KMT2B: variants seen among roughly 807,000 people sequenced by gnomAD.
KMT2B encodes lysine methyltransferase 2B.
KMT2B carries 22 observed loss-of-function variants against 255.3 expected under a neutral mutation model. The observed-to-expected ratio is 0.09, with a 90% confidence interval of 0.06 to 0.12. KMT2B has a LOEUF of 0.12. KMT2B is among the 10% of genes least tolerant of loss of function. KMT2B has a pLI of 1.00. For synonymous variants in KMT2B, 1,730 were observed against 1,498.1 expected, an observed-to-expected ratio of 1.15 and a Z score of -3.57; for missense variants, 3,149 against 3,737.0, an observed-to-expected ratio of 0.84 and a Z score of 4.10.
Position 35,722,406 on chromosome 19 carries a change from G to T in KMT2B, c.2505G>T (p.Gln835His). The T allele has an allele frequency of 6.2e-7, 1 of 1,611,124 alleles. No individual in the cohort carries two copies. The highest frequency in any genetic ancestry group is 8.5e-7 in the Non-Finnish European group (1 of 1,179,828). ...QMEEVAGAVK[Q>H]ISDRGPVRSE... ...AGGAGGTGGCCGGGGCTGTCAAGCA[G>T]ATCTCCGACAGAGGCCCTGTCCGGT... Residue 835 changes from glutamine to histidine, a missense_variant, in exon 4 of 37, where the codon CAG (glutamine) becomes CAT (histidine). By Grantham distance (24) the Gln-to-His change is conservative. This residue lies in a region of KMT2B where 1,188 missense variants were observed against 1,106.4 expected (regional missense o/e 1.07). Transcript: ENST00000420124.
chr19:35,721,227 CTCCCCCGG>C lies in KMT2B; in HGVS notation c.1881_1888del (p.Pro629LeufsTer44). 6.8e-7 allele frequency: 1 copy of C among 1,470,852 alleles called. No homozygotes were observed. Among genetic ancestry groups the C allele is most frequent in the Non-Finnish European group, 9.2e-7 (1 of 1,090,432 alleles). The allele number at this position is 1,470,852 out of a possible 1,614,324, so 91.1% of individuals were successfully genotyped here. A position where few individuals can be genotyped will look rare whatever the true frequency, so the allele number is the denominator to read the frequency against. The stretch of plus-strand genomic sequence containing the variant: ...CCCCCTCCTCCCCCAGCCCCTCCAC[CTCCCCCGG>C]CCCCCTCCCCACCCCCTGCTCCTGC... On this transcript the variant is annotated frameshift_variant, in exon 3 of 37. Transcript: ENST00000420124. LOFTEE classifies it high-confidence loss of function.
chr19:35,726,869 A>G (rs1218004849), intron 14 of KMT2B, among the ~76,000 whole-genome samples: 1 of 151,620 alleles, frequency 6.6e-6, no homozygotes, highest in Non-Finnish European at 1.5e-5. Context: ...CTGTAATCTC[A>G]GCTACTCGGG....
Position 35,738,011 on chromosome 19 carries a change from C to T in KMT2B, c.7743-51C>T. 1.2e-6 allele frequency: 2 copies of T among 1,613,004 alleles called. No homozygotes were observed. Among genetic ancestry groups the T allele is most frequent in the South Asian group, 1.1e-5 (1 of 90,906 alleles). ...AGGTGCACTGGGTAGGGGGTACTGT[C>T]TGGTTTCTGTCCCCCTCCCCCCTGA... On this transcript the variant is annotated intron_variant, in intron 35 of 36. Transcript: ENST00000420124. This position sits in a 1 kb window ranked among gnomAD's most constrained non-coding sequence, Gnocchi z 8.7.
rs1204779086 is a variant in KMT2B at position 35,737,000 on chromosome 19, C to T, written c.7372+14C>T. ...TCTCCTTTAGTGGTAAGGAGTGGGCCCCACAGGGGGCAGGGAGCTGGATGT... is the reference window on the plus strand; with the variant it reads ...TCTCCTTTAGTGGTAAGGAGTGGGCTCCACAGGGGGCAGGGAGCTGGATGT... On this transcript the variant is annotated intron_variant, in intron 32 of 36. Transcript: ENST00000420124. 1.2e-6 allele frequency: 2 copies of T among 1,612,514 alleles called. No individual in the cohort carries two copies. The highest frequency in any genetic ancestry group is 1.7e-6 in the Non-Finnish European group (2 of 1,179,268).
chr19:35,736,727 AGATGAT>A lies in KMT2B; in HGVS notation c.7198_7203del (p.Asp2400_Asp2401del). On this transcript the variant is annotated inframe_deletion, in exon 31 of 37. Transcript: ENST00000420124. ...GCTCTGAGGAAGAGCCTCCATCCCC[AGATGAT>A]AAAGAGAACCAGGCCCCAAAACGGA... 1 of 1,613,986 alleles carries A rather than the reference AGATGAT, an allele frequency of 6.2e-7. No homozygotes were observed. The highest frequency in any genetic ancestry group is 8.5e-7 in the Non-Finnish European group (1 of 1,179,878).
rs1334846621 is a variant in KMT2B at position 35,725,268 on chromosome 19, C to T, written c.3577C>T (p.Leu1193Phe). The change falls in exon 11 of 37, where the codon CTC (leucine) becomes TTC (phenylalanine). Residue 1193 changes from leucine (L) to phenylalanine (F), a missense_variant. By Grantham distance (22) the Leu-to-Phe change is conservative. Coordinates refer to ENST00000420124, the MANE Select transcript of KMT2B (RefSeq NM_014727.3). The surrounding 1 kb of genome is among the most constrained non-coding windows in gnomAD (Gnocchi z 4.1). ...GTGGCTGATGGGGGGCCTGAGTGTG[C>T]TCACCTCTGTGCCAGGGGGCCCCCC... ...NVWLMGGLSV[L>F]TSVPGGPPMV... 2 of 1,602,530 alleles carry T rather than the reference C, an allele frequency of 1.2e-6. No individual in the cohort carries two copies. Among genetic ancestry groups the T allele is most frequent in the Non-Finnish European group, 8.5e-7 (1 of 1,174,366 alleles).
Position 35,731,915 on chromosome 19 carries a change from A to T in KMT2B, c.5445A>T (p.Pro1815=). Residue 1815 remains proline (P), a synonymous_variant, in exon 27 of 37, where the codon CCA becomes CCT. Transcript: ENST00000420124. ...CATTTCTCGCCTCTTCAGAGCCCCCAGGTGGTGAGGACCCCCCACTGGACA... is the reference window on the plus strand; with the variant it reads ...CATTTCTCGCCTCTTCAGAGCCCCCTGGTGGTGAGGACCCCCCACTGGACA... ...VHSPAPSSEP[P]GGEDPPLDTD... The T allele has an allele frequency of 6.2e-7, 1 of 1,612,912 alleles. No homozygotes were observed. The highest frequency in any genetic ancestry group is 8.5e-7 in the Non-Finnish European group (1 of 1,179,104).
chr19:35,735,213 T>G (rs1393137450), intron 30 of KMT2B: 2 of 151,740 alleles, frequency 1.3e-5, no homozygotes, highest in Non-Finnish European at 1.5e-5. Context: ...TGCTTTAGAG[T>G]CTCCCTTGGG....
chr19:35,721,242 C>A lies in KMT2B; in HGVS notation c.1895C>A (p.Ser632Tyr). The A allele has an allele frequency of 4.0e-6, 6 of 1,507,228 alleles. No individual in the cohort carries two copies. Among genetic ancestry groups the A allele is most frequent in the Non-Finnish European group, 5.4e-6 (6 of 1,120,332 alleles). The allele number at this position is 1,507,228 out of a possible 1,614,324, so 93.4% of individuals were successfully genotyped here. A position where few individuals can be genotyped will look rare whatever the true frequency, so the allele number is the denominator to read the frequency against. Residue 632 changes from serine to tyrosine, a missense_variant, in exon 3 of 37, where the codon TCC (serine) becomes TAC (tyrosine). Ser to Tyr is a moderately radical substitution (Grantham distance 144). Coordinates refer to ENST00000420124, the MANE Select transcript of KMT2B (RefSeq NM_014727.3). ...PPAPPPPPAP[S>Y]PPPAPATSSR... ...GCCCCTCCACCTCCCCCGGCCCCCTCCCCACCCCCTGCTCCTGCCACCTCC... is the reference window on the plus strand; with the variant it reads ...GCCCCTCCACCTCCCCCGGCCCCCTACCCACCCCCTGCTCCTGCCACCTCC...
intron 3 of KMT2B, 52 bp downstream of exon 3, chr19:35,721,856 C>G: frequency 1.3e-6 from 2 of 1,491,394 alleles, no homozygotes; most frequent in Admixed American, 4.6e-5. Flanking sequence ...AGCCTCCATT[C>G]TTTGCAACCC....
intron 14 of KMT2B, among the ~76,000 whole-genome samples, chr19:35,726,733 T>C (rs1969466032): frequency 6.6e-6 from 1 of 152,098 alleles, no homozygotes; most frequent in African/African-American, 2.4e-5. Context: ...CCTGTAATCC[T>C]AACACTTTGG....
At chr19:35,731,682 G>C (rs1014785696) in intron 26 of KMT2B, among the ~76,000 whole-genome samples, 15 of 152,164 alleles carry the variant, frequency 9.9e-5, no homozygotes, top group African/African-American at 3.6e-4. Context: ...GAGAGGAGAT[G>C]GCAAGGAGCG....
In KMT2B at chr19:35,720,623, C is replaced by T. The variant is rs1163586367; in HGVS notation, c.1276C>T (p.Pro426Ser). Residue 426 changes from proline to serine, a missense_variant, in exon 3 of 37, where the codon CCC becomes TCC. This residue lies in a region of KMT2B where 1,188 missense variants were observed against 1,106.4 expected (regional missense o/e 1.07). Coordinates refer to ENST00000420124, the MANE Select transcript of KMT2B (RefSeq NM_014727.3). ...CCCACCCCCTTCGACATCTCCTCCA[C>T]CCCCACTCTGCCCTCCACCACCACC... Reference protein sequence around the residue: ...PLPPPSTSPPPPLCPPPPPPV... With the variant: ...PLPPPSTSPPSPLCPPPPPPV... 18 of 1,470,230 alleles carry T rather than the reference C, an allele frequency of 1.2e-5. No individual in the cohort carries two copies. In the South Asian group the frequency reaches 2.1e-4, roughly 17 times the overall value. The allele number at this position is 1,470,230 out of a possible 1,614,324, so 91.1% of individuals were successfully genotyped here. A position where few individuals can be genotyped will look rare whatever the true frequency, so the allele number is the denominator to read the frequency against.
chr19:35,727,209 A>G lies in KMT2B; in HGVS notation c.4057A>G (p.Lys1353Glu). ...RCYEDNDYES[K>E]MMQCAQCDHW... ...CTATGAAGACAACGACTATGAGAGCAAGATGATGCAGTGCGCACAGTGCGA... is the reference window on the plus strand; with the variant it reads ...CTATGAAGACAACGACTATGAGAGCGAGATGATGCAGTGCGCACAGTGCGA... Residue 1353 changes from lysine to glutamate, a missense_variant, in exon 15 of 37, where the codon AAG becomes GAG. Lys to Glu is a moderately conservative substitution (Grantham distance 56). This residue lies in a region of KMT2B where 377 missense variants were observed against 471.0 expected (regional missense o/e 0.80). Coordinates refer to ENST00000420124, the MANE Select transcript of KMT2B (RefSeq NM_014727.3). This position sits in a 1 kb window ranked among gnomAD's most constrained non-coding sequence, Gnocchi z 4.2. 1 of 1,613,710 alleles carries G rather than the reference A, an allele frequency of 6.2e-7. No individual in the cohort carries two copies. Among genetic ancestry groups the G allele is most frequent in the Non-Finnish European group, 8.5e-7 (1 of 1,179,816 alleles).
intron 22 of KMT2B, among the ~76,000 whole-genome samples, chr19:35,729,526 T>C (rs1969607185): frequency 6.6e-6 from 1 of 152,146 alleles, no homozygotes; most frequent in South Asian, 2.1e-4. Flanking sequence ...AGAGTGCCCA[T>C]TGATTGAACC....
chr19:35,721,808 AGTGT>A lies in KMT2B; in HGVS notation c.2457+6_2457+9del. 6.4e-7 allele frequency: 1 copy of A among 1,574,382 alleles called. No homozygotes were observed. The highest frequency in any genetic ancestry group is 8.6e-7 in the Non-Finnish European group (1 of 1,159,174). Reference sequence around the variant, plus strand: ...GAAGGTGGCAGCTTCCATGCCGGTGAGTGTGGTCCCTGGGCCCAGCGGCACACCC... The same window carrying A: ...GAAGGTGGCAGCTTCCATGCCGGTGAGGTCCCTGGGCCCAGCGGCACACCC... On this transcript the variant is annotated splice_donor_5th_base_variant and intron_variant, in intron 3 of 36. Coordinates refer to ENST00000420124, the MANE Select transcript of KMT2B (RefSeq NM_014727.3).
intron 14 of KMT2B, among the ~76,000 whole-genome samples, chr19:35,726,955 G>T (rs994459935): frequency 4.2e-5 from 6 of 141,344 alleles, no homozygotes; most frequent in Non-Finnish European, 7.5e-5. Flanking sequence ...CTGCACTCTA[G>T]CCTGGGTGAC....
chr19:35,733,454 A>G lies in KMT2B; in HGVS notation c.6905A>G (p.Glu2302Gly). The G allele has an allele frequency of 6.4e-7, 1 of 1,561,048 alleles. No individual in the cohort carries two copies. Among genetic ancestry groups the G allele is most frequent in the Non-Finnish European group, 8.7e-7 (1 of 1,152,932 alleles). ...CCATACAAAGCCCCCCGGCTGGATG[A>G]AGATGGAGAGGCCTCAGAGGATACC... ...PPPYKAPRLD[E>G]DGEASEDTPQ... Residue 2302 changes from glutamate to glycine, a missense_variant, in exon 28 of 37, where the codon GAA (glutamate) becomes GGA (glycine). Physicochemically the swap from Glu to Gly is moderately conservative, Grantham distance 98. Around this residue, in one of 18 missense-constraint regions of KMT2B, gnomAD observed 897 missense variants for 825.3 expected, o/e 1.09. Coordinates refer to ENST00000420124, the MANE Select transcript of KMT2B (RefSeq NM_014727.3). This position sits in a 1 kb window ranked among gnomAD's most constrained non-coding sequence, Gnocchi z 4.3.
rs1250203458 is a variant in KMT2B at position 35,719,942 on chromosome 19, C to T, written c.595C>T (p.Arg199Trp). The T allele has an allele frequency of 1.2e-6, 2 of 1,613,430 alleles. No individual in the cohort carries two copies. Among genetic ancestry groups the T allele is most frequent in the Non-Finnish European group, 1.7e-6 (2 of 1,179,858 alleles). Residue 199 changes from arginine to tryptophan, a missense_variant, in exon 3 of 37, where the codon CGG (arginine) becomes TGG (tryptophan). Physicochemically the swap from Arg to Trp is moderately radical, Grantham distance 101. Around this residue, in one of 18 missense-constraint regions of KMT2B, gnomAD observed 1,188 missense variants for 1,106.4 expected, o/e 1.07. Transcript: ENST00000420124. Reference sequence around the variant, plus strand: ...GCAGGCACTGACTGAACTTCTCCGGCGGGCCCAGGCACCCCAAGCACCCCG... The same window carrying T: ...GCAGGCACTGACTGAACTTCTCCGGTGGGCCCAGGCACCCCAAGCACCCCG... ...MVQALTELLR[R>W]AQAPQAPRSR...
Sources: gnomAD v4.1 joint callset for allele counts (sites outside exome capture counted in the v4.1 genomes callset) on GRCh38, gnomAD v4.1.1 for gene constraint, gnomAD v4.1.1 regional missense constraint, Gnocchi (gnomAD v3.1) non-coding constraint, MANE v1.5 for transcripts, NCBI Gene and HGNC (gene_info 2026-07-23, HGNC 2026-07-21) for gene names.